Variants in NSMCE2 observed in about 807,000 individuals in gnomAD.
The protein encoded by NSMCE2 is E3 SUMO-protein ligase NSE2.
A neutral mutation model predicts 23.8 loss-of-function variants in NSMCE2; 24 were observed. The observed-to-expected ratio is 1.01, with a 90% CI of 0.73 to 1.42. The LOEUF (loss-of-function observed/expected upper bound fraction) is 1.42, where lower values mean the gene tolerates loss of function less well. Among genes scored for constraint, NSMCE2 ranks in the 40% most tolerant of loss-of-function variants. NSMCE2 has a pLI of 0.00. For synonymous variants in NSMCE2, 92 were observed against 94.1 expected, an observed-to-expected ratio of 0.98 and a Z score of 0.13; for missense variants, 284 against 296.5, an observed-to-expected ratio of 0.96 and a Z score of 0.31.
chr8:125,116,129 A>G (rs1563659287), intron 3 of NSMCE2, among the ~76,000 whole-genome samples: 1 of 152,198 alleles, frequency 6.6e-6, no homozygotes, highest in Non-Finnish European at 1.5e-5. Flanking sequence ...GTAATCCTTA[A>G]CAGCTGTTAG....
At chr8:125,321,054 C>T (rs1266817265) in intron 5 of NSMCE2, among the ~76,000 whole-genome samples, 5 of 152,142 alleles carry the variant, frequency 3.3e-5, no homozygotes, top group South Asian at 2.1e-4. Context: ...ACCAGGGGGA[C>T]GGTGCTAAAC....
chr8:125,333,759 C>T (rs537603628), intron 5 of NSMCE2, among the ~76,000 whole-genome samples: 11 of 151,920 alleles, frequency 7.2e-5, no homozygotes, highest in African/African-American at 2.4e-4. Context: ...GTGATCCGCC[C>T]GCCTCGGCCT....
chr8:125,344,194 T>A (rs1289029431), intron 5 of NSMCE2, among the ~76,000 whole-genome samples: 3 of 152,244 alleles, frequency 2.0e-5, no homozygotes, highest in African/African-American at 7.2e-5. Context: ...ATCATTTGTT[T>A]CAATTTGACT....
rs565229734 is a variant in NSMCE2, at chr8:125,169,048, G to A, written c.265-13055G>A. On this transcript the variant is annotated intron_variant, in intron 4 of 7. Transcript: ENST00000287437. ...TAACAAATCCAGAGAATATTGTTCA[G>A]TTGTTCTCTTATTTGACCTCTCTGC... is the stretch of plus-strand genomic sequence containing the variant. Among the ~76,000 whole-genome samples the A allele has an allele frequency of 1.7e-4, 26 of 152,268 alleles. No individual in the cohort carries two copies. In the South Asian group the frequency reaches 2.3e-3, roughly 13 times the overall value.
intron 5 of NSMCE2, among the ~76,000 whole-genome samples, chr8:125,353,327 G>C (rs1813117170): frequency 1.3e-5 from 2 of 152,308 alleles, no homozygotes; most frequent in South Asian, 4.1e-4. Context: ...AGCAGCATAG[G>C]AGGAGGCTTT....
At chr8:125,266,470 T>G (rs1826923283) in intron 5 of NSMCE2, among the ~76,000 whole-genome samples, 2 of 152,236 alleles carry the variant, frequency 1.3e-5, no homozygotes, top group African/African-American at 4.8e-5. Flanking sequence ...CAAACACAAT[T>G]AACACTGTCT....
chr8:125,245,551 T>G (rs1825924636), intron 5 of NSMCE2, among the ~76,000 whole-genome samples: 1 of 152,020 alleles, frequency 6.6e-6, no homozygotes, highest in African/African-American at 2.4e-5. Context: ...GTTGCCTTAT[T>G]AAGCTCGATA....
intron 7 of NSMCE2, among the ~76,000 whole-genome samples, chr8:125,364,003 G>T (rs1167377063): frequency 2.0e-5 from 3 of 152,062 alleles, no homozygotes; most frequent in Non-Finnish European, 4.4e-5. Flanking sequence ...GAGTGCAATG[G>T]TGCAATCTTG....
chr8:125,361,287 C>T lies in NSMCE2; in HGVS notation c.626+3469C>T, dbSNP rs548160639. On this transcript the variant is annotated intron_variant, in intron 7 of 7. Transcript: ENST00000287437. ...TTCACCATGTTGTCCAGGCTGGTCT[C>T]GAACTCCTGGCCTCAAGTGATCTGC... 2.6e-5 allele frequency among the ~76,000 whole-genome samples: 4 copies of T among 152,142 alleles called. No homozygotes were observed. The South Asian group carries it at 8.3e-4, about 32-fold the overall frequency.
At chr8:125,315,848 G>C (rs1317011134) in intron 5 of NSMCE2, among the ~76,000 whole-genome samples, 1 of 151,862 alleles carries the variant, frequency 6.6e-6, no homozygotes, top group Non-Finnish European at 1.5e-5. Flanking sequence ...CGTCACCCAG[G>C]CTGTTGTGCA....
intron 5 of NSMCE2, among the ~76,000 whole-genome samples, chr8:125,218,489 G>A (rs982574211): frequency 6.7e-6 from 1 of 149,810 alleles, no homozygotes; most frequent in Admixed American, 6.7e-5. Context: ...TTGGCTCACT[G>A]CAACCTCCGC....
At chr8:125,282,925 G>C (rs1827750144) in intron 5 of NSMCE2, among the ~76,000 whole-genome samples, 1 of 152,194 alleles carries the variant, frequency 6.6e-6, no homozygotes, top group South Asian at 2.1e-4. Flanking sequence ...TTCTGATGAG[G>C]GCATCTATGC....
intron 3 of NSMCE2, among the ~76,000 whole-genome samples, chr8:125,140,203 A>T (rs1820289469): frequency 2.0e-5 from 3 of 152,224 alleles, no homozygotes; most frequent in Admixed American, 6.5e-5. Flanking sequence ...GTAGTTGGGG[A>T]AACCCCATGA....
At chr8:125,221,957 A>G (rs528943589) in intron 5 of NSMCE2, among the ~76,000 whole-genome samples, 12 of 152,324 alleles carry the variant, frequency 7.9e-5, no homozygotes, top group African/African-American at 2.6e-4. Context: ...TAGACACTCA[A>G]TAAAAAAGCT....
intron 5 of NSMCE2, among the ~76,000 whole-genome samples, chr8:125,263,800 T>G (rs1008064314): frequency 6.6e-6 from 1 of 151,492 alleles, no homozygotes; most frequent in South Asian, 2.1e-4. Context: ...TAGAATAAAT[T>G]TAATCTGGGA....
intron 5 of NSMCE2, among the ~76,000 whole-genome samples, chr8:125,349,600 GAAAGA>G (rs1447896435): frequency 1.4e-5 from 2 of 141,000 alleles, no homozygotes; most frequent in African/African-American, 2.6e-5. Flanking sequence ...AAAAAAAAAA[GAAAGA>G]AAAGAAAAGA....
chr8:125,205,245 A>T (rs1451749347), intron 5 of NSMCE2, among the ~76,000 whole-genome samples: 1 of 152,186 alleles, frequency 6.6e-6, no homozygotes, highest in African/African-American at 2.4e-5. Context: ...ACAATGTGAG[A>T]CCTTTAAAGA....
Position 125,263,451 on chromosome 8 carries a change from C to G in NSMCE2, c.418+81195C>G, listed in dbSNP as rs114178144. On this transcript the variant is annotated intron_variant, in intron 5 of 7. Coordinates refer to ENST00000287437, the MANE Select transcript of NSMCE2 (RefSeq NM_173685.4). ...ATCCTAGGTTTACCATGTTCATGCTCTAGAAAGAAGTAAGAGGGCTGGGCG... is the reference window on the plus strand; with the variant it reads ...ATCCTAGGTTTACCATGTTCATGCTGTAGAAAGAAGTAAGAGGGCTGGGCG... Among the ~76,000 whole-genome samples, 210 of 152,180 alleles carry G rather than the reference C, an allele frequency of 1.4e-3. 1 individual carries two copies. Among genetic ancestry groups the G allele is most frequent in the African/African-American group, 4.9e-3 (202 of 41,520 alleles).
intron 5 of NSMCE2, among the ~76,000 whole-genome samples, chr8:125,321,460 T>G (rs1829457208): frequency 6.6e-6 from 1 of 152,120 alleles, no homozygotes; most frequent in Non-Finnish European, 1.5e-5. Context: ...ACCAAGTATT[T>G]AAGGAAAAAG....
Sources: gnomAD v4.1 joint callset for allele counts (sites outside exome capture counted in the v4.1 genomes callset) on GRCh38, gnomAD v4.1.1 for gene constraint, MANE v1.5 for transcripts, NCBI Gene and HGNC (gene_info 2026-07-23, HGNC 2026-07-21) for gene names.